Variants in IQCH observed in about 807,000 individuals in gnomAD.
The protein encoded by IQCH is IQ motif containing H, also known as IQ domain-containing protein H.
Under a neutral mutation model 117.0 loss-of-function variants are expected in IQCH, and 98 were observed. That is an observed-to-expected ratio of 0.84 (90% confidence interval 0.71 to 0.99). The LOEUF (loss-of-function observed/expected upper bound fraction) is 0.99, where lower values mean the gene tolerates loss of function less well. Ranked by LOEUF, IQCH falls within the 50% of genes least tolerant of loss-of-function variation. IQCH has a pLI of 0.00. For missense variants in IQCH, 1,102 were observed against 1,243.8 expected, an observed-to-expected ratio of 0.89 and a Z score of 1.72; for synonymous variants, 412 against 448.2, an observed-to-expected ratio of 0.92 and a Z score of 1.02.
chr15:67,494,221 TC>T lies in IQCH; in HGVS notation c.2862-36del. Reference sequence around the variant, plus strand: ...ATTGTTTTTAAGCATGTGAAGGGAATCGTTGGTAAACTCATTTGTTTGGATA... The same window carrying T: ...ATTGTTTTTAAGCATGTGAAGGGAATGTTGGTAAACTCATTTGTTTGGATA... On this transcript the variant is annotated intron_variant, in intron 19 of 20. Transcript: ENST00000335894. This position sits in a 1 kb window ranked among gnomAD's most constrained non-coding sequence, Gnocchi z 5.5. The T allele has an allele frequency of 6.8e-7, 1 of 1,464,338 alleles. No homozygotes were observed. The highest frequency in any genetic ancestry group is 1.3e-5 in the South Asian group (1 of 78,808). 90.7% of individuals were successfully genotyped at this position (1,464,338 alleles called of 1,614,324 possible). A position where few individuals can be genotyped will look rare whatever the true frequency, so the allele number is the denominator to read the frequency against.
chr15:67,335,845 A>G (rs1019039742), intron 4 of IQCH, among the ~76,000 whole-genome samples: 2 of 152,162 alleles, frequency 1.3e-5, no homozygotes, highest in African/African-American at 4.8e-5. Flanking sequence ...AAAGTGTTTG[A>G]TGTTCATGGT....
chr15:67,318,215 T>G (rs937127171), intron 4 of IQCH, among the ~76,000 whole-genome samples: 1 of 152,128 alleles, frequency 6.6e-6, no homozygotes, highest in Non-Finnish European at 1.5e-5. Flanking sequence ...CTTCTTGCCT[T>G]CCTTTCCTTC....
At position 67,476,034 on chromosome 15, in the gene IQCH, A is replaced by C. The variant is rs527600252; in HGVS notation, c.2799+216A>C. ...AAAGTTCTACTTCGTCTCCAATCTT[A>C]CACACCCACTTTGCTAAAGCAGAAG... is the stretch of plus-strand genomic sequence containing the variant. On this transcript the variant is annotated intron_variant, in intron 18 of 20. Coordinates refer to ENST00000335894, the MANE Select transcript of IQCH (RefSeq NM_001031715.3). This position sits in a 1 kb window ranked among gnomAD's most constrained non-coding sequence, Gnocchi z 4.1. 1.3e-5 allele frequency among the ~76,000 whole-genome samples: 2 copies of C among 152,360 alleles called. No homozygotes were observed. Among genetic ancestry groups the C allele is most frequent in the African/African-American group, 2.4e-5 (1 of 41,584 alleles).
At position 67,427,115 on chromosome 15, in the gene IQCH, CACTAAAAAATAA is replaced by C. The variant is rs2081910503; in HGVS notation, c.2505+5540_2505+5551del. Among the ~76,000 whole-genome samples, 1 of 152,130 alleles carries C rather than the reference CACTAAAAAATAA, an allele frequency of 6.6e-6. No individual in the cohort carries two copies. The highest frequency in any genetic ancestry group is 2.4e-5 in the African/African-American group (1 of 41,440). On this transcript the variant is annotated intron_variant, in intron 16 of 20. Coordinates refer to ENST00000335894, the MANE Select transcript of IQCH (RefSeq NM_001031715.3). This position sits in a 1 kb window ranked among gnomAD's most constrained non-coding sequence, Gnocchi z 4.7. ...TTATGTAAATAAAGTTTTATTGGAACACTAAAAAATAAATAACTTCTCCAACAATGAGAAACT... is the reference window on the plus strand; with the variant it reads ...TTATGTAAATAAAGTTTTATTGGAACATAACTTCTCCAACAATGAGAAACT...
chr15:67,333,483 T>G (rs1307178452), intron 4 of IQCH, among the ~76,000 whole-genome samples: 1 of 152,194 alleles, frequency 6.6e-6, no homozygotes, highest in African/African-American at 2.4e-5. Flanking sequence ...ATAAGTCCTA[T>G]TTTTTATACA....
chr15:67,270,723 AAGCAGATGCT>A (rs1373120164), intron 3 of IQCH, among the ~76,000 whole-genome samples: 3 of 152,180 alleles, frequency 2.0e-5, no homozygotes, highest in Non-Finnish European at 4.4e-5. Context: ...CCCTGACCAG[AAGCAGATGCT>A]AGCACTATGT....
chr15:67,412,036 G>A (rs2081463932), intron 14 of IQCH, among the ~76,000 whole-genome samples: 1 of 152,168 alleles, frequency 6.6e-6, no homozygotes, highest in Non-Finnish European at 1.5e-5. Flanking sequence ...AAAAGTGGAG[G>A]CAAGCCTGTG....
intron 16 of IQCH, among the ~76,000 whole-genome samples, chr15:67,462,290 G>A (rs367696110): frequency 9.9e-5 from 15 of 151,848 alleles, no homozygotes; most frequent in African/African-American, 1.9e-4. Context: ...TTAGCTGGGC[G>A]TGGTGGCAGG....
intron 4 of IQCH, among the ~76,000 whole-genome samples, chr15:67,280,788 T>G (rs1202115561): frequency 6.6e-6 from 1 of 152,122 alleles, no homozygotes; most frequent in Non-Finnish European, 1.5e-5. Context: ...TTAGCAGTAC[T>G]TTGAAAATAC....
chr15:67,294,981 C>T (rs1966843483), intron 4 of IQCH, among the ~76,000 whole-genome samples: 2 of 152,192 alleles, frequency 1.3e-5, no homozygotes, highest in Non-Finnish European at 2.9e-5. Flanking sequence ...GCTTAGGGGT[C>T]TGACTTTAAT....
chr15:67,415,208 A>G (rs1416930610), intron 14 of IQCH, among the ~76,000 whole-genome samples: 2 of 152,180 alleles, frequency 1.3e-5, no homozygotes, highest in Non-Finnish European at 2.9e-5. Flanking sequence ...CAGGTAATTC[A>G]CAGTAAAGAT....
intron 4 of IQCH, among the ~76,000 whole-genome samples, chr15:67,314,895 G>A (rs1455721086): frequency 6.6e-6 from 1 of 152,206 alleles, no homozygotes; most frequent in Non-Finnish European, 1.5e-5. Flanking sequence ...TGTCTTGCAA[G>A]TCAACAATTT....
At chr15:67,279,630 C>A in intron 4 of IQCH, 118 bp downstream of exon 4, 1 of 578,100 alleles carries the variant, frequency 1.7e-6, no homozygotes, top group Non-Finnish European at 3.1e-6. Flanking sequence ...GGACAATGAA[C>A]ATGTTCTAGA....
rs543142049 is a variant in IQCH, at chr15:67,484,611, C to T, written c.2800-5392C>T. ...AAAAAAATAGCTAGGGATGGTGGTG[C>T]GCACCTGTAGTCCCAGCTACTTGGG... On this transcript the variant is annotated intron_variant, in intron 18 of 20. Transcript: ENST00000335894. Among the ~76,000 whole-genome samples, 17 of 150,108 alleles carry T rather than the reference C, an allele frequency of 1.1e-4. 1 individual carries two copies. The highest frequency in any genetic ancestry group is 2.5e-4 in the African/African-American group (10 of 40,786).
In IQCH at chr15:67,413,523, T is replaced by A. The variant is rs534918959; in HGVS notation, c.2098-3408T>A. On this transcript the variant is annotated intron_variant, in intron 14 of 20. Coordinates refer to ENST00000335894, the MANE Select transcript of IQCH (RefSeq NM_001031715.3). This position sits in a 1 kb window ranked among gnomAD's most constrained non-coding sequence, Gnocchi z 5.0. ...CTTACTTGAATATATGAGCTGCAGGTCCTGCTGTATTTTTTTGGTTTGTTT... is the reference window on the plus strand; with the variant it reads ...CTTACTTGAATATATGAGCTGCAGGACCTGCTGTATTTTTTTGGTTTGTTT... 6.6e-6 allele frequency: 1 copy of A among 152,326 alleles called. No individual in the cohort carries two copies. The highest frequency in any genetic ancestry group is 1.5e-5 in the Non-Finnish European group (1 of 68,026). The allele number at this position is 152,326 out of a possible 1,614,324, so 9.4% of individuals were successfully genotyped here.
In IQCH at chr15:67,364,672, G is replaced by T. The variant is rs1970270222; in HGVS notation, c.753+4787G>T. 6.6e-6 allele frequency among the ~76,000 whole-genome samples: 1 copy of T among 151,928 alleles called. No individual in the cohort carries two copies. The highest frequency in any genetic ancestry group is 1.5e-5 in the Non-Finnish European group (1 of 67,940). Reference sequence around the variant, plus strand: ...GAAAATTTGGAAAATTCAGAAAAGAGAAAAAAAGTATAGAAGGATTTTTTT... The same window carrying T: ...GAAAATTTGGAAAATTCAGAAAAGATAAAAAAAGTATAGAAGGATTTTTTT... On this transcript the variant is annotated intron_variant, in intron 8 of 20. Transcript: ENST00000335894. The surrounding 1 kb of genome is among the most constrained non-coding windows in gnomAD (Gnocchi z 4.1).
Position 67,406,716 on chromosome 15 carries a change from C to G in IQCH, c.2097+6411C>G, listed in dbSNP as rs1187288105. On this transcript the variant is annotated intron_variant, in intron 14 of 20. Coordinates refer to ENST00000335894, the MANE Select transcript of IQCH (RefSeq NM_001031715.3). This position sits in a 1 kb window ranked among gnomAD's most constrained non-coding sequence, Gnocchi z 4.5. ...CCTGGGGTTCCATAGCCAGGGACAC[C>G]TAGGTTAGACTCCCATGCTCCCTGG... 1.3e-5 allele frequency: 2 copies of G among 152,018 alleles called. No homozygotes were observed. The highest frequency in any genetic ancestry group is 2.9e-5 in the Non-Finnish European group (2 of 68,016). 9.4% of individuals were successfully genotyped at this position (152,018 alleles called of 1,614,324 possible). A position where few individuals can be genotyped will look rare whatever the true frequency, so the allele number is the denominator to read the frequency against.
In IQCH at chr15:67,489,769, C is replaced by T. The variant is rs1169094716; in HGVS notation, c.2800-234C>T. Among the ~76,000 whole-genome samples, 5 of 151,456 alleles carry T rather than the reference C, an allele frequency of 3.3e-5. No homozygotes were observed. In the East Asian group the frequency reaches 7.7e-4, roughly 23 times the overall value. On this transcript the variant is annotated intron_variant, in intron 18 of 20. Coordinates refer to ENST00000335894, the MANE Select transcript of IQCH (RefSeq NM_001031715.3). ...CATGAAAATGCCTTTTTAACAAGCA[C>T]ACTAGATGATTCTGATGCAGGTGTT...
rs191941439 is a variant in IQCH at position 67,350,662 on chromosome 15, G to A, written c.637+6471G>A. 1.7e-3 allele frequency among the ~76,000 whole-genome samples: 257 copies of A among 152,172 alleles called. 1 individual carries two copies. Among genetic ancestry groups the A allele is most frequent in the Admixed American group, 4.9e-3 (75 of 15,292 alleles). Reference sequence around the variant, plus strand: ...AGGATGGTCTCAATCTCCTGACCTCGTGATCCACTCGCCTAGGCCTCCCAC... The same window carrying A: ...AGGATGGTCTCAATCTCCTGACCTCATGATCCACTCGCCTAGGCCTCCCAC... On this transcript the variant is annotated intron_variant, in intron 6 of 20. Transcript: ENST00000335894.
Sources: gnomAD v4.1 joint callset for allele counts (sites outside exome capture counted in the v4.1 genomes callset) on GRCh38, gnomAD v4.1.1 for gene constraint, Gnocchi (gnomAD v3.1) non-coding constraint, MANE v1.5 for transcripts, NCBI Gene and HGNC (gene_info 2026-07-23, HGNC 2026-07-21) for gene names.